Variants in PIBF1 observed in about 807,000 individuals in gnomAD.
PIBF1 encodes progesterone-induced-blocking factor 1.
In PIBF1, 90 loss-of-function variants were observed where a neutral mutation model predicts 112.5. The ratio of observed to expected loss-of-function variants is 0.80; its 90% CI spans 0.67 to 0.95. The LOEUF (loss-of-function observed/expected upper bound fraction) is 0.95, where lower values mean the gene tolerates loss of function less well. Ranked by LOEUF, PIBF1 falls within the 40% of genes least tolerant of loss-of-function variation. The pLI is 0.00. For synonymous variants in PIBF1, 301 were observed against 288.6 expected, an observed-to-expected ratio of 1.04 and a Z score of -0.44; for missense variants, 915 against 852.3, an observed-to-expected ratio of 1.07 and a Z score of -0.92.
chr13:72,881,145 G>T (rs572166141), intron 10 of PIBF1: 3 of 149,012 alleles, frequency 2.0e-5, no homozygotes, highest in Admixed American at 6.7e-5. Context: ...TATGTCATCC[G>T]TGTGCAGGAA....
chr13:72,949,248 A>T (rs937001561), intron 14 of PIBF1, among the ~76,000 whole-genome samples: 2 of 150,416 alleles, frequency 1.3e-5, no homozygotes, highest in Non-Finnish European at 3.0e-5. Context: ...TTTGTATGTA[A>T]ATATAATCCT....
At chr13:72,833,022 T>A (rs1354622314) in intron 8 of PIBF1, among the ~76,000 whole-genome samples, 1 of 152,216 alleles carries the variant, frequency 6.6e-6, no homozygotes, top group East Asian at 1.9e-4. Flanking sequence ...AAGTTGATCT[T>A]CAGTCATTGT....
chr13:72,843,711 C>G (rs930787937), intron 9 of PIBF1, among the ~76,000 whole-genome samples: 1 of 152,150 alleles, frequency 6.6e-6, no homozygotes, highest in African/African-American at 2.4e-5. Context: ...CGCGCCTGGC[C>G]TAATTTCTGA....
chr13:72,812,018 T>A (rs971487223), intron 5 of PIBF1, among the ~76,000 whole-genome samples: 4 of 152,124 alleles, frequency 2.6e-5, no homozygotes, highest in Admixed American at 2.6e-4. Context: ...CTTTAGTAAA[T>A]CTAGGAACTT....
At chr13:72,794,379 T>G (rs1457015069) in intron 3 of PIBF1, among the ~76,000 whole-genome samples, 1 of 151,944 alleles carries the variant, frequency 6.6e-6, no homozygotes, top group Non-Finnish European at 1.5e-5. Flanking sequence ...AGAGTTGTGG[T>G]TTTGTTTGTT....
At chr13:72,847,627 G>C (rs1479472367) in intron 9 of PIBF1, among the ~76,000 whole-genome samples, 1 of 152,126 alleles carries the variant, frequency 6.6e-6, no homozygotes, top group Admixed American at 6.6e-5. Flanking sequence ...TATAATAAAA[G>C]GTTAGGAAAG....
chr13:72,852,459 A>G (rs979399401), intron 9 of PIBF1, among the ~76,000 whole-genome samples: 3 of 151,922 alleles, frequency 2.0e-5, no homozygotes, highest in Non-Finnish European at 1.5e-5. Context: ...TTGCTCACAC[A>G]CCCCTTGCTG....
chr13:72,990,213 CAAAAA>C (rs34873893), intron 16 of PIBF1, among the ~76,000 whole-genome samples: 4 of 52,712 alleles, frequency 7.6e-5, no homozygotes, highest in East Asian at 1.0e-3. Flanking sequence ...GACTCTGTCT[CAAAAA>C]AAAAAAAAAA....
At chr13:72,793,756 G>A (rs532863038) in intron 3 of PIBF1, among the ~76,000 whole-genome samples, 1 of 152,272 alleles carries the variant, frequency 6.6e-6, no homozygotes, top group South Asian at 2.1e-4. Context: ...GGGAGTCAAG[G>A]ATTACATCAA....
intron 16 of PIBF1, among the ~76,000 whole-genome samples, chr13:72,983,822 T>C (rs891117902): frequency 3.9e-5 from 6 of 152,304 alleles, no homozygotes; most frequent in African/African-American, 1.4e-4. Context: ...GTTTTTCTTA[T>C]GCACCTATGT....
chr13:73,003,367 C>G (rs1235140829), intron 17 of PIBF1, among the ~76,000 whole-genome samples: 35 of 152,060 alleles, frequency 2.3e-4, no homozygotes, highest in Admixed American at 2.3e-3. Context: ...GTTCTCTTGC[C>G]TCAGCCTCCT....
chr13:72,909,284 T>G (rs1437326979), intron 12 of PIBF1, among the ~76,000 whole-genome samples: 2 of 152,146 alleles, frequency 1.3e-5, no homozygotes, highest in Non-Finnish European at 2.9e-5. Context: ...GATTAGGAGT[T>G]CATGGAAATA....
intron 10 of PIBF1, among the ~76,000 whole-genome samples, chr13:72,855,169 G>A (rs1402858445): frequency 6.6e-6 from 1 of 152,032 alleles, no homozygotes; most frequent in Non-Finnish European, 1.5e-5. Flanking sequence ...GTTAAATGAA[G>A]ACCAGATTAA....
At chr13:72,892,815 C>T (rs1268009019) in intron 10 of PIBF1, among the ~76,000 whole-genome samples, 1 of 146,828 alleles carries the variant, frequency 6.8e-6, no homozygotes, top group Non-Finnish European at 1.5e-5. Context: ...CACACGCACA[C>T]GCACACACAC....
At chr13:72,953,813 A>G (rs9530120) in intron 14 of PIBF1, among the ~76,000 whole-genome samples, 19,024 of 152,154 alleles carry the variant, frequency 0.13, 1,396 homozygotes, top group Non-Finnish European at 0.17. Flanking sequence ...AAAGAGTACC[A>G]GGTGCGGTGG....
chr13:72,965,333 A>G lies in PIBF1; in HGVS notation c.1893A>G (p.Glu631=). ...AACAGCCTTACAGGTATCTCATTGA[A>G]TCAGTGCGTCAGAGAGATTCTAAGA... is the stretch of plus-strand genomic sequence containing the variant. ...QTQQPYRYLI[E]SVRQRDSKID... Residue 631 remains glutamate (E), a synonymous_variant, in exon 15 of 18, where the codon GAA becomes GAG. Transcript: ENST00000326291. The G allele has an allele frequency of 1.2e-6, 2 of 1,610,138 alleles. No homozygotes were observed. The highest frequency in any genetic ancestry group is 1.3e-5 in the African/African-American group (1 of 74,986).
intron 11 of PIBF1, among the ~76,000 whole-genome samples, chr13:72,896,816 C>G (rs12583095): frequency 6.6e-6 from 1 of 152,016 alleles, no homozygotes; most frequent in Non-Finnish European, 1.5e-5. Flanking sequence ...ACAACCAAAC[C>G]TAAGAGTAAT....
At chr13:72,797,860 A>AAAT in intron 4 of PIBF1, 47 bp from the exon 5 acceptor site, 6 of 1,454,874 alleles carry the variant, frequency 4.1e-6, no homozygotes, top group Non-Finnish European at 5.6e-6. Context: ...ACAAATTTTA[A>AAAT]TTGTAATTTG....
At chr13:72,895,719 G>C (rs2040254031) in intron 11 of PIBF1, among the ~76,000 whole-genome samples, 1 of 89,038 alleles carries the variant, frequency 1.1e-5, no homozygotes, top group Admixed American at 1.0e-4. Context: ...AAAAGCCTTA[G>C]AAGGTTGATC....
Sources: allele counts gnomAD v4.1 joint callset (sites outside exome capture counted in the v4.1 genomes callset), GRCh38; gene constraint gnomAD v4.1.1; transcripts MANE v1.5; gene names NCBI Gene and HGNC (gene_info 2026-07-23, HGNC 2026-07-21).